SNTG2: variants seen among roughly 807,000 people sequenced by gnomAD.
SNTG2 encodes gamma-2-syntrophin.
In SNTG2, 74 loss-of-function variants were observed where a neutral mutation model predicts 70.9. That is an observed-to-expected ratio of 1.04 (90% CI 0.86 to 1.27). The LOEUF is 1.27. Ranked by LOEUF, SNTG2 falls within the 50% of genes most tolerant of loss-of-function variation. SNTG2 has a pLI of 0.00. For synonymous variants in SNTG2, 278 were observed against 273.8 expected (o/e 1.02, Z -0.15); for missense variants, 717 against 690.7 (o/e 1.04, Z -0.43).
At chr2:1,078,686 C>T (rs116642383) in intron 1 of SNTG2, among the ~76,000 whole-genome samples, 1 of 152,106 alleles carries the variant, frequency 6.6e-6, no homozygotes, top group Admixed American at 6.5e-5. Context: ...TTTAACAGGG[C>T]CGCCCAGCTG....
chr2:1,275,447 T>G (rs1279980466), intron 14 of SNTG2, among the ~76,000 whole-genome samples: 2 of 152,260 alleles, frequency 1.3e-5, no homozygotes, highest in Non-Finnish European at 2.9e-5. Flanking sequence ...ATGTTTTCAT[T>G]ATCACTATAT....
chr2:1,035,914 G>A (rs552032814), intron 1 of SNTG2, among the ~76,000 whole-genome samples: 97 of 152,156 alleles, frequency 6.4e-4, no homozygotes, highest in African/African-American at 2.2e-3. Flanking sequence ...TACACTGTCC[G>A]CCAATAATGA....
At chr2:1,134,388 C>T (rs1668226255) in intron 4 of SNTG2, among the ~76,000 whole-genome samples, 1 of 151,886 alleles carries the variant, frequency 6.6e-6, no homozygotes, top group African/African-American at 2.4e-5. Flanking sequence ...GGTGAGTTTA[C>T]AATCCCTGAG....
rs116496680 is a variant in SNTG2, at chr2:1,106,350, G to T, written c.325+7940G>T. ...AATAATGGACACGTGCTGTCACTCG[G>T]TGCAGGGTATGGAGAGCTCCTTGGT... On this transcript the variant is annotated intron_variant, in intron 4 of 16. Coordinates refer to ENST00000308624, the MANE Select transcript of SNTG2 (RefSeq NM_018968.4). 5.1e-4 allele frequency among the ~76,000 whole-genome samples: 66 copies of T among 130,364 alleles called. 2 individuals carry two copies. The highest frequency in any genetic ancestry group is 1.6e-3 in the African/African-American group (52 of 32,724). The allele number at this position is 130,364 out of a possible 152,430, so 85.5% of individuals were successfully genotyped here. A position where few individuals can be genotyped will look rare whatever the true frequency, so the allele number is the denominator to read the frequency against.
At chr2:1,314,065 T>C (rs925254905) in intron 15 of SNTG2, among the ~76,000 whole-genome samples, 1 of 152,214 alleles carries the variant, frequency 6.6e-6, no homozygotes, top group Non-Finnish European at 1.5e-5. Flanking sequence ...TTTGCACTTT[T>C]TGTATATAAT....
chr2:1,222,117 C>CTCTCTCTG lies in SNTG2; in HGVS notation c.719+12895_719+12902dup, dbSNP rs1675211304. On this transcript the variant is annotated intron_variant, in intron 9 of 16. Coordinates refer to ENST00000308624, the MANE Select transcript of SNTG2 (RefSeq NM_018968.4). Reference sequence around the variant, plus strand: ...TCTGTCTCTCTCTGTCTCTCTCTGTCTCTCTCTGTCTCTCTCTGTCTCTCT... The same window carrying CTCTCTCTG: ...TCTGTCTCTCTCTGTCTCTCTCTGTCTCTCTCTGTCTCTCTGTCTCTCTCTGTCTCTCT... 1.3e-3 allele frequency among the ~76,000 whole-genome samples: 49 copies of CTCTCTCTG among 37,500 alleles called. 11 individuals carry two copies. The highest frequency in any genetic ancestry group is 2.7e-3 in the Non-Finnish European group (36 of 13,252). The allele number at this position is 37,500 out of a possible 152,430, so 24.6% of individuals were successfully genotyped here. A position where few individuals can be genotyped will look rare whatever the true frequency, so the allele number is the denominator to read the frequency against.
At chr2:1,027,106 C>T (rs1318192496) in intron 1 of SNTG2, among the ~76,000 whole-genome samples, 2 of 152,178 alleles carry the variant, frequency 1.3e-5, no homozygotes, top group African/African-American at 4.8e-5. Context: ...CCATGTGCTT[C>T]TTGCACACCC....
rs555702089 is a variant in SNTG2 at position 965,661 on chromosome 2, C to T, written c.72+14593C>T. Among the ~76,000 whole-genome samples the T allele has an allele frequency of 2.3e-4, 35 of 152,148 alleles. No individual in the cohort carries two copies. In the South Asian group the frequency reaches 3.9e-3, roughly 17 times the overall value. On this transcript the variant is annotated intron_variant, in intron 1 of 16. Transcript: ENST00000308624. ...TCGGCTCGGGGGCTGCTGCTGCTGG[C>T]GGGGGTGTCAGCTGCCCAGTGTGTG...
chr2:1,105,006 T>C (rs1227172372), intron 4 of SNTG2, among the ~76,000 whole-genome samples: 1 of 152,214 alleles, frequency 6.6e-6, no homozygotes, highest in Non-Finnish European at 1.5e-5. Context: ...CTTCATGGTA[T>C]TCCTTCATTT....
chr2:1,082,777 T>C (rs11127456), intron 1 of SNTG2, among the ~76,000 whole-genome samples: 117,600 of 151,782 alleles, frequency 0.77, 45,933 homozygotes, highest in Admixed American at 0.88. Context: ...GCCCCCAGGG[T>C]GGCTTTCCCT....
chr2:1,202,996 T>C (rs1384895935), intron 8 of SNTG2, among the ~76,000 whole-genome samples: 1 of 152,168 alleles, frequency 6.6e-6, no homozygotes, highest in East Asian at 1.9e-4. Context: ...TGCTCAGTGT[T>C]GATAGGACGG....
intron 1 of SNTG2, among the ~76,000 whole-genome samples, chr2:1,009,899 A>G (rs1321378974): frequency 6.6e-6 from 1 of 152,160 alleles, no homozygotes; most frequent in Non-Finnish European, 1.5e-5. Context: ...TTGTAAACGA[A>G]TCAGAAGTCC....
intron 14 of SNTG2, among the ~76,000 whole-genome samples, chr2:1,305,826 T>C (rs1680646466): frequency 1.3e-5 from 2 of 152,190 alleles, no homozygotes; most frequent in South Asian, 4.1e-4. Flanking sequence ...TGTGTGCTTA[T>C]GTGGCCATCT....
rs774463905 is a variant in SNTG2, at chr2:1,083,567, A to T, written c.122A>T (p.Tyr41Phe). 1 of 1,613,796 alleles carries T rather than the reference A, an allele frequency of 6.2e-7. No homozygotes were observed. The highest frequency in any genetic ancestry group is 2.2e-5 in the East Asian group (1 of 44,878). ...TATGATGAAGAGTCCGAAAATGCCT[A>T]TGACATCCGGCTGAAGCTGACGAAA... ...LLYDEESENA[Y>F]DIRLKLTKEV... Residue 41 changes from tyrosine (Y) to phenylalanine (F), a missense_variant, in exon 2 of 17, where the codon TAT (tyrosine) becomes TTT (phenylalanine). Coordinates refer to ENST00000308624, the MANE Select transcript of SNTG2 (RefSeq NM_018968.4).
chr2:983,095 A>C (rs968982185), intron 1 of SNTG2, among the ~76,000 whole-genome samples: 4 of 151,384 alleles, frequency 2.6e-5, no homozygotes, highest in African/African-American at 4.9e-5. Context: ...GGGATGAAGC[A>C]GAGGCTCTCT....
intron 1 of SNTG2, among the ~76,000 whole-genome samples, chr2:1,046,190 C>T (rs974323075): frequency 6.6e-6 from 1 of 151,906 alleles, no homozygotes; most frequent in African/African-American, 2.4e-5. Flanking sequence ...GAATAGAAAA[C>T]CCTGCTGTTT....
At chr2:1,069,044 G>T (rs1325064710) in intron 1 of SNTG2, among the ~76,000 whole-genome samples, 3 of 152,172 alleles carry the variant, frequency 2.0e-5, no homozygotes, top group African/African-American at 7.2e-5. Flanking sequence ...TCAAACACGT[G>T]TCAGTGTCAT....
chr2:1,341,846 CTTTTTT>C (rs368695045), intron 16 of SNTG2: 4,671 of 137,278 alleles, frequency 0.034, 262 homozygotes, highest in African/African-American at 0.12. Context: ...ATTTTTATCG[CTTTTTT>C]TTTTTTTTTT....
intron 14 of SNTG2, among the ~76,000 whole-genome samples, chr2:1,271,908 G>A (rs1006094064): frequency 1.4e-4 from 21 of 151,624 alleles, no homozygotes; most frequent in Non-Finnish European, 2.4e-4. Flanking sequence ...TTGGCTTCTC[G>A]TCAAGGAAAC....
Sources: allele counts gnomAD v4.1 joint callset (sites outside exome capture counted in the v4.1 genomes callset), GRCh38; gene constraint gnomAD v4.1.1; transcripts MANE v1.5; gene names NCBI Gene and HGNC (gene_info 2026-07-23, HGNC 2026-07-21).